RPA1: variants seen among roughly 807,000 people sequenced by gnomAD.
RPA1 encodes replication protein A 70 kDa DNA-binding subunit.
A neutral mutation model predicts 83.0 loss-of-function variants in RPA1; 49 were observed. The ratio of observed to expected loss-of-function variants is 0.59; its 90% confidence interval spans 0.47 to 0.75. RPA1 has a LOEUF of 0.75. Ranked by LOEUF, RPA1 falls within the 30% of genes least tolerant of loss-of-function variation. The pLI is 0.00. For missense variants in RPA1, 693 were observed against 776.1 expected, an observed-to-expected ratio of 0.89 and a Z score of 1.27; for synonymous variants, 279 against 281.8, an observed-to-expected ratio of 0.99 and a Z score of 0.10.
intron 4 of RPA1, among the ~76,000 whole-genome samples, chr17:1,845,056 T>A (rs1912204500): frequency 6.6e-6 from 1 of 152,052 alleles, no homozygotes; most frequent in African/African-American, 2.4e-5. Flanking sequence ...CCCAAAGTGC[T>A]GGGATTACAG....
intron 13 of RPA1, among the ~76,000 whole-genome samples, chr17:1,886,705 C>CTTTTTTT (rs57659628): frequency 8.0e-6 from 1 of 125,446 alleles, no homozygotes; most frequent in Admixed American, 8.5e-5. Context: ...TCTTCTGCAG[C>CTTTTTTT]TTTTTTTTTT....
At position 1,899,412 on chromosome 17, in the gene RPA1, A is replaced by G. The variant is rs919921649; in HGVS notation, c.*2237A>G. 1 of 152,334 alleles carries G rather than the reference A, an allele frequency of 6.6e-6. No individual in the cohort carries two copies. Among genetic ancestry groups the G allele is most frequent in the African/African-American group, 2.4e-5 (1 of 41,408 alleles). 9.4% of individuals were successfully genotyped at this position (152,334 alleles called of 1,614,324 possible). ...GCAATTAGGAGAAAAAAATCTAATC[A>G]TTTCGCCTTTATTTCAAGTGGTTCT... On this transcript the variant is annotated 3_prime_UTR_variant, in exon 17 of 17. Transcript: ENST00000254719.
intron 1 of RPA1, among the ~76,000 whole-genome samples, chr17:1,831,898 C>CT (rs138268342): frequency 0.022 from 838 of 37,840 alleles, 184 homozygotes; most frequent in African/African-American, 0.062. Context: ...TGTGCCCGGC[C>CT]TTTTTTTTTT....
intron 5 of RPA1, chr17:1,858,204 T>A: frequency 1.2e-6 from 2 of 1,613,994 alleles, no homozygotes; most frequent in Non-Finnish European, 1.7e-6. Flanking sequence ...CAAACTTAGC[T>A]GTGTGGATCA....
chr17:1,845,944 AAAC>A (rs561245056), intron 4 of RPA1, among the ~76,000 whole-genome samples: 11 of 152,304 alleles, frequency 7.2e-5, no homozygotes, highest in African/African-American at 2.4e-4. Context: ...AAAAAGACCA[AAAC>A]AACAACAACA....
intron 16 of RPA1, 58 bp from the exon 17 acceptor site, chr17:1,897,013 G>T (rs1914459161): frequency 2.8e-6 from 4 of 1,442,902 alleles, no homozygotes; most frequent in Admixed American, 2.0e-5. Context: ...AGCAAAAGGG[G>T]TTTCACTGCT....
At chr17:1,833,046 C>G (rs1911681362) in intron 1 of RPA1, among the ~76,000 whole-genome samples, 1 of 152,158 alleles carries the variant, frequency 6.6e-6, no homozygotes, top group South Asian at 2.1e-4. Context: ...CCTGTCTTAG[C>G]CTCCCTAGAA....
At chr17:1,862,907 G>A (rs535870010) in intron 5 of RPA1, among the ~76,000 whole-genome samples, 12 of 151,070 alleles carry the variant, frequency 7.9e-5, no homozygotes, top group Non-Finnish European at 1.2e-4. Flanking sequence ...TAGTAGAGAC[G>A]AAGTTTCACC....
Position 1,877,235 on chromosome 17 carries a change from C to T in RPA1, c.611C>T (p.Thr204Ile). ...QSKWTICARVTNKSQIRTWSN... is the reference protein window; with the variant it reads ...QSKWTICARVINKSQIRTWSN... ...AGGTGGACCATTTGTGCTCGTGTTACCAACAAAAGTCAGATCCGTACCTGG... is the reference window on the plus strand; with the variant it reads ...AGGTGGACCATTTGTGCTCGTGTTATCAACAAAAGTCAGATCCGTACCTGG... The change falls in exon 8 of 17, where the codon ACC (threonine) becomes ATC (isoleucine). Residue 204 changes from threonine to isoleucine, a missense_variant. Coordinates refer to ENST00000254719, the MANE Select transcript of RPA1 (RefSeq NM_002945.5). 6.2e-7 allele frequency: 1 copy of T among 1,614,164 alleles called. No homozygotes were observed. Among genetic ancestry groups the T allele is most frequent in the Non-Finnish European group, 8.5e-7 (1 of 1,180,032 alleles).
At chr17:1,850,808 C>T (rs1912465478) in intron 4 of RPA1, among the ~76,000 whole-genome samples, 1 of 151,866 alleles carries the variant, frequency 6.6e-6, no homozygotes, top group African/African-American at 2.4e-5. Flanking sequence ...AGGAAAATTG[C>T]TTGAACCTGG....
At chr17:1,847,224 T>C (rs968714421) in intron 4 of RPA1, among the ~76,000 whole-genome samples, 12 of 152,368 alleles carry the variant, frequency 7.9e-5, no homozygotes, top group Admixed American at 2.6e-4. Flanking sequence ...TGGTATTTGC[T>C]CTGACATAGT....
chr17:1,897,236 C>G lies in RPA1; in HGVS notation c.*61C>G. On this transcript the variant is annotated 3_prime_UTR_variant, in exon 17 of 17. Coordinates refer to ENST00000254719, the MANE Select transcript of RPA1 (RefSeq NM_002945.5). ...AGGCAGAATGGAATCGATTTCCTCC[C>G]ACCTCCGTGTGACGATCCCATGTTA... The G allele has an allele frequency of 4.7e-6, 6 of 1,267,748 alleles. No individual in the cohort carries two copies. The South Asian group carries it at 8.5e-5, about 18-fold the overall frequency. The allele number at this position is 1,267,748 out of a possible 1,614,324, so 78.5% of individuals were successfully genotyped here.
chr17:1,869,203 T>C (rs1158175380), intron 5 of RPA1, among the ~76,000 whole-genome samples: 1 of 152,188 alleles, frequency 6.6e-6, no homozygotes, highest in African/African-American at 2.4e-5. Context: ...ATGATAGGTG[T>C]GAGTGCAAAT....
chr17:1,844,816 A>G, intron 4 of RPA1, 130 bp downstream of exon 4: 2 of 552,102 alleles, frequency 3.6e-6, no homozygotes, highest in Non-Finnish European at 6.4e-6. Context: ...TAGCTAACAC[A>G]TGGCACCCAA....
At chr17:1,843,632 A>ATTATTATTG (rs1241858963) in intron 2 of RPA1, among the ~76,000 whole-genome samples, 1 of 139,070 alleles carries the variant, frequency 7.2e-6, no homozygotes, top group African/African-American at 2.6e-5. Flanking sequence ...TATTATTATT[A>ATTATTATTG]TTATTTTGGT....
At chr17:1,840,134 C>T (rs1346838473) in intron 1 of RPA1, among the ~76,000 whole-genome samples, 3 of 151,712 alleles carry the variant, frequency 2.0e-5, no homozygotes, top group Non-Finnish European at 4.4e-5. Flanking sequence ...TGAAAACAGA[C>T]GTTTGTTTGT....
chr17:1,860,733 T>C (rs1013745031), intron 5 of RPA1, among the ~76,000 whole-genome samples: 8 of 152,200 alleles, frequency 5.3e-5, no homozygotes, highest in African/African-American at 1.4e-4. Flanking sequence ...TCTCCGATCA[T>C]GGATCATATT....
intron 8 of RPA1, 86 bp from the exon 9 acceptor site, chr17:1,878,907 G>C: frequency 7.7e-7 from 1 of 1,290,932 alleles, no homozygotes; most frequent in Non-Finnish European, 1.1e-6. Flanking sequence ...TGCTAGGGTG[G>C]CCTGTGTTCT....
At chr17:1,862,100 G>A (rs1912996192) in intron 5 of RPA1, among the ~76,000 whole-genome samples, 1 of 149,974 alleles carries the variant, frequency 6.7e-6, no homozygotes, top group African/African-American at 2.5e-5. Context: ...CACTGTGTTA[G>A]CCAGGATGGT....
Sources: gnomAD v4.1 joint callset for allele counts (sites outside exome capture counted in the v4.1 genomes callset) on GRCh38, gnomAD v4.1.1 for gene constraint, MANE v1.5 for transcripts, NCBI Gene and HGNC (gene_info 2026-07-23, HGNC 2026-07-21) for gene names.